Variants in FBXO25 observed in about 807,000 individuals in gnomAD.
FBXO25 encodes the protein F-box protein 25.
Under a neutral mutation model 51.9 loss-of-function variants are expected in FBXO25, and 45 were observed. The observed-to-expected ratio is 0.87, with a 90% CI of 0.68 to 1.11. The LOEUF is 1.11. Among genes scored for constraint, FBXO25 ranks in the 50% most tolerant of loss-of-function variants. The pLI is 0.00. For synonymous variants in FBXO25, 199 were observed against 151.0 expected (o/e 1.32, Z -2.33); for missense variants, 507 against 428.5 (o/e 1.18, Z -1.62).
intron 9 of FBXO25, among the ~76,000 whole-genome samples, chr8:463,542 G>A (rs903941808): frequency 6.6e-6 from 1 of 152,092 alleles, no homozygotes; most frequent in East Asian, 1.9e-4. Context: ...CTTAGCCCTC[G>A]GCCCTTTATG....
intron 2 of FBXO25, among the ~76,000 whole-genome samples, chr8:417,705 C>T (rs1205550645): frequency 6.6e-6 from 1 of 152,206 alleles, no homozygotes; most frequent in Non-Finnish European, 1.5e-5. Flanking sequence ...CCTTTTCCTC[C>T]ACTTGTATTT....
intron 5 of FBXO25, among the ~76,000 whole-genome samples, chr8:440,698 A>G (rs1167666877): frequency 6.6e-6 from 1 of 152,104 alleles, no homozygotes; most frequent in Non-Finnish European, 1.5e-5. Flanking sequence ...TCAACCCGTC[A>G]TCTACATTAG....
rs1800619446 is a variant in FBXO25, at chr8:475,608, G to C, written c.*6804G>C. 1 of 152,056 alleles carries C rather than the reference G, an allele frequency of 6.6e-6. No homozygotes were observed. The highest frequency in any genetic ancestry group is 2.4e-5 in the African/African-American group (1 of 41,394). 9.4% of individuals were successfully genotyped at this position (152,056 alleles called of 1,614,324 possible). On this transcript the variant is annotated 3_prime_UTR_variant, in exon 10 of 10. Transcript: ENST00000350302. ...TTACTTTCTTTAAGCAGTGTTTTATGGTTTTCAAGTACAAGTCTTTTGCTT... is the reference window on the plus strand; with the variant it reads ...TTACTTTCTTTAAGCAGTGTTTTATCGTTTTCAAGTACAAGTCTTTTGCTT...
chr8:422,504 G>T (rs1797217964), intron 2 of FBXO25, among the ~76,000 whole-genome samples: 1 of 152,136 alleles, frequency 6.6e-6, no homozygotes, highest in Non-Finnish European at 1.5e-5. Flanking sequence ...CTGGTGGGTG[G>T]CCTGGCAAAA....
At position 474,663 on chromosome 8, in the gene FBXO25, T is replaced by C. The variant is rs34076886; in HGVS notation, c.*5859T>C. ...AGTATCTGTTTGTTGGCCGTTTATA[T>C]GTCGTCTTTGGAGAAATGTCTATTT... is the stretch of plus-strand genomic sequence containing the variant. On this transcript the variant is annotated 3_prime_UTR_variant, in exon 10 of 10. Coordinates refer to ENST00000350302, the MANE Select transcript of FBXO25 (RefSeq NM_183420.2). 1.1e-5 allele frequency: 5 copies of C among 445,152 alleles called. No homozygotes were observed. Among genetic ancestry groups the C allele is most frequent in the Non-Finnish European group, 1.8e-5 (4 of 223,928 alleles). 27.6% of individuals were successfully genotyped at this position (445,152 alleles called of 1,614,324 possible). A position where few individuals can be genotyped will look rare whatever the true frequency, so the allele number is the denominator to read the frequency against.
rs1469014270 is a variant in FBXO25, at chr8:474,906, A to G, written c.*6102A>G. 4.4e-6 allele frequency: 2 copies of G among 455,532 alleles called. No individual in the cohort carries two copies. Among genetic ancestry groups the G allele is most frequent in the African/African-American group, 2.0e-5 (1 of 49,378 alleles). 28.2% of individuals were successfully genotyped at this position (455,532 alleles called of 1,614,324 possible). On this transcript the variant is annotated 3_prime_UTR_variant, in exon 10 of 10. Transcript: ENST00000350302. The stretch of plus-strand genomic sequence containing the variant: ...AATCACTGCCTCACCCTTTTCAGAT[A>G]TATCATTTTAAAATACTTTGTCCCA...
chr8:442,023 G>C (rs1445762174), intron 5 of FBXO25, among the ~76,000 whole-genome samples: 1 of 152,100 alleles, frequency 6.6e-6, no homozygotes, highest in African/African-American at 2.4e-5. Context: ...TAATGACCTG[G>C]CAAATTAGAT....
At chr8:454,579 A>G (rs948059718) in intron 7 of FBXO25, among the ~76,000 whole-genome samples, 5 of 152,140 alleles carry the variant, frequency 3.3e-5, no homozygotes, top group Admixed American at 3.3e-4. Flanking sequence ...TTCACAAGTG[A>G]TGTGATGTTT....
At chr8:440,545 T>G (rs1798364721) in intron 5 of FBXO25, among the ~76,000 whole-genome samples, 1 of 152,104 alleles carries the variant, frequency 6.6e-6, no homozygotes, top group African/African-American at 2.4e-5. Flanking sequence ...TTTCCTCTGA[T>G]GTAAATTAAG....
At chr8:418,333 C>T (rs375120992) in intron 2 of FBXO25, among the ~76,000 whole-genome samples, 116 of 72,192 alleles carry the variant, frequency 1.6e-3, no homozygotes, top group Admixed American at 3.6e-3. Flanking sequence ...TTTGTTTGTT[C>T]TTTTTTTTTT....
intron 7 of FBXO25, among the ~76,000 whole-genome samples, chr8:453,780 G>A (rs1368760617): frequency 6.6e-6 from 1 of 152,184 alleles, no homozygotes; most frequent in Non-Finnish European, 1.5e-5. Flanking sequence ...GCTTTCTCCA[G>A]TGAGCTGACA....
At chr8:421,782 A>G (rs1797171681) in intron 2 of FBXO25, among the ~76,000 whole-genome samples, 1 of 152,134 alleles carries the variant, frequency 6.6e-6, no homozygotes, top group Non-Finnish European at 1.5e-5. Context: ...CAGGGCTGGG[A>G]TAGAGCAAAT....
rs540440418 is a variant in FBXO25, at chr8:426,449, T to G, written c.135-4892T>G. ...CATTTCTGATTTTACAGACATGCATTCTTAAGGGGGAGGAATTTATAGAAC... is the reference window on the plus strand; with the variant it reads ...CATTTCTGATTTTACAGACATGCATGCTTAAGGGGGAGGAATTTATAGAAC... On this transcript the variant is annotated intron_variant, in intron 2 of 9. Transcript: ENST00000350302. 3.3e-5 allele frequency among the ~76,000 whole-genome samples: 5 copies of G among 152,100 alleles called. No homozygotes were observed. The East Asian group carries it at 9.7e-4, about 29-fold the overall frequency.
chr8:467,141 C>T (rs1438493215), intron 9 of FBXO25, among the ~76,000 whole-genome samples: 1 of 152,110 alleles, frequency 6.6e-6, no homozygotes, highest in Non-Finnish European at 1.5e-5. Flanking sequence ...TAGTAGCATC[C>T]TGAACCAGCG....
chr8:421,278 C>T (rs1207060966), intron 2 of FBXO25, among the ~76,000 whole-genome samples: 3 of 152,218 alleles, frequency 2.0e-5, no homozygotes, highest in Non-Finnish European at 4.4e-5. Flanking sequence ...ATCCCCCCTC[C>T]TCGCCCCAGT....
rs138503604 is a variant in FBXO25 at position 472,276 on chromosome 8, A to G, written c.*3472A>G. The stretch of plus-strand genomic sequence containing the variant: ...TTGTTTTTATCGTGAAAGGGTGTGG[A>G]TTTTGTCAAATGCTTTTTCTGCATC... On this transcript the variant is annotated 3_prime_UTR_variant, in exon 10 of 10. Coordinates refer to ENST00000350302, the MANE Select transcript of FBXO25 (RefSeq NM_183420.2). 1.2e-4 allele frequency: 18 copies of G among 152,228 alleles called. No individual in the cohort carries two copies. In the East Asian group the frequency reaches 3.3e-3, roughly 28 times the overall value. The allele number at this position is 152,228 out of a possible 1,614,324, so 9.4% of individuals were successfully genotyped here.
chr8:435,783 G>C, intron 5 of FBXO25, 76 bp downstream of exon 5: 1 of 1,536,402 alleles, frequency 6.5e-7, no homozygotes, highest in Non-Finnish European at 8.7e-7. Flanking sequence ...AGTGTACAAC[G>C]TTGAAGATGC....
chr8:409,824 G>A (rs1235490754), intron 1 of FBXO25, among the ~76,000 whole-genome samples: 2 of 152,200 alleles, frequency 1.3e-5, no homozygotes, highest in Non-Finnish European at 2.9e-5. Context: ...CACTGCTCAC[G>A]CTGATCTGTT....
At chr8:411,034 C>T (rs1251320297) in intron 1 of FBXO25, among the ~76,000 whole-genome samples, 2 of 151,984 alleles carry the variant, frequency 1.3e-5, no homozygotes, top group Admixed American at 1.3e-4. Flanking sequence ...GTTAATTATA[C>T]TAAATATAGT....
Sources: allele counts gnomAD v4.1 joint callset (sites outside exome capture counted in the v4.1 genomes callset), GRCh38; gene constraint gnomAD v4.1.1; transcripts MANE v1.5; gene names NCBI Gene and HGNC (gene_info 2026-07-23, HGNC 2026-07-21).